Variants in KLHL3 observed in about 807,000 individuals in gnomAD.
The protein encoded by KLHL3 is kelch like family member 3.
In KLHL3, 19 loss-of-function variants were observed where a neutral mutation model predicts 70.5. The observed-to-expected ratio is 0.27, with a 90% confidence interval of 0.19 to 0.40. KLHL3 has a LOEUF of 0.40. Among genes scored for constraint, KLHL3 ranks in the 10% least tolerant of loss-of-function variants. The pLI, the probability that KLHL3 is intolerant of heterozygous loss-of-function variation, is 1.00. For synonymous variants in KLHL3, 258 were observed against 290.3 expected (o/e 0.89, Z 1.13); for missense variants, 512 against 771.1 (o/e 0.66, Z 3.98).
intron 12 of KLHL3, among the ~76,000 whole-genome samples, chr5:137,630,411 C>T (rs151016605): frequency 0.014 from 2,076 of 152,152 alleles, 25 homozygotes; most frequent in Non-Finnish European, 0.023. Flanking sequence ...TCTCCAAAGG[C>T]GGCTCCCTCC....
intron 6 of KLHL3, among the ~76,000 whole-genome samples, chr5:137,664,282 C>T (rs764825707): frequency 3.4e-4 from 51 of 150,900 alleles, no homozygotes; most frequent in Non-Finnish European, 6.3e-4. Flanking sequence ...CCTGGGAGGT[C>T]GAGCCTACAG....
intron 8 of KLHL3, among the ~76,000 whole-genome samples, chr5:137,656,490 T>C (rs4835709): frequency 0.96 from 145,648 of 152,358 alleles, 69,976 homozygotes; most frequent in East Asian, 1. Flanking sequence ...AGATTTTTTA[T>C]CCTAGGAGAC....
intron 2 of KLHL3, among the ~76,000 whole-genome samples, chr5:137,713,153 CAAAAAA>C (rs958291877): frequency 7.8e-5 from 3 of 38,440 alleles, no homozygotes; most frequent in African/African-American, 3.1e-4. Context: ...GAATAACCAG[CAAAAAA>C]AAAAAAAAAA....
At chr5:137,710,423 G>A (rs1223993508) in intron 2 of KLHL3, among the ~76,000 whole-genome samples, 1 of 152,158 alleles carries the variant, frequency 6.6e-6, no homozygotes, top group East Asian at 1.9e-4. Flanking sequence ...TAAAGACCCT[G>A]TGCAAACTCC....
At chr5:137,689,592 G>A (rs1452350608) in intron 5 of KLHL3, among the ~76,000 whole-genome samples, 1 of 152,172 alleles carries the variant, frequency 6.6e-6, no homozygotes, top group South Asian at 2.1e-4. Context: ...CAAATATCAC[G>A]TGTTTTCACT....
chr5:137,648,728 A>T (rs1561590165), intron 8 of KLHL3, among the ~76,000 whole-genome samples: 1 of 152,210 alleles, frequency 6.6e-6, no homozygotes, highest in East Asian at 1.9e-4. Context: ...TGTTCCTCTC[A>T]GGGAAAGGAC....
rs542499167 is a variant in KLHL3 at position 137,641,421 on chromosome 5, T to C, written c.904-1444A>G. Among the ~76,000 whole-genome samples, 5 of 152,336 alleles carry C rather than the reference T, an allele frequency of 3.3e-5. No homozygotes were observed. The East Asian group carries it at 9.6e-4, about 29-fold the overall frequency. ...GCCTTTCTAACAAGTTCCCAGGTGC[T>C]GCTGCTGCTGCCACTCTAGGGTTCA... On this transcript the variant is annotated intron_variant, in intron 8 of 14. Transcript: ENST00000309755.
chr5:137,693,114 T>C (rs965014399), intron 4 of KLHL3, among the ~76,000 whole-genome samples: 3 of 152,192 alleles, frequency 2.0e-5, no homozygotes, highest in African/African-American at 7.2e-5. Context: ...TGCCAGGCAC[T>C]AGTTTAGGCT....
At chr5:137,673,871 G>C (rs540890711) in intron 6 of KLHL3, 1 of 152,404 alleles carries the variant, frequency 6.6e-6, no homozygotes, top group South Asian at 2.1e-4. Context: ...GAGGGGCCCA[G>C]GCAGGGCTGG....
intron 1 of KLHL3, 194 bp from the exon 2 acceptor site, chr5:137,720,778 G>A (rs949173919): frequency 7.1e-7 from 1 of 1,412,864 alleles, no homozygotes; most frequent in African/African-American, 1.4e-5. Flanking sequence ...TCCTCTGAAG[G>A]AAGGCAGGTC....
intron 6 of KLHL3, among the ~76,000 whole-genome samples, chr5:137,668,725 G>A (rs1374220086): frequency 6.6e-6 from 1 of 152,222 alleles, no homozygotes; most frequent in African/African-American, 2.4e-5. Context: ...ACAACTGGGA[G>A]CAGTGGTGTG....
chr5:137,693,091 C>T (rs1454123963), intron 4 of KLHL3, among the ~76,000 whole-genome samples: 1 of 152,158 alleles, frequency 6.6e-6, no homozygotes, highest in Non-Finnish European at 1.5e-5. Context: ...TGATTAATTA[C>T]TGAACATCTA....
chr5:137,705,230 T>C (rs11747175), intron 3 of KLHL3, among the ~76,000 whole-genome samples: 36,097 of 152,198 alleles, frequency 0.24, 4,599 homozygotes, highest in African/African-American at 0.33. Flanking sequence ...GGCATCAATA[T>C]ACCACACAAA....
At chr5:137,682,144 C>G (rs946130769) in intron 5 of KLHL3, among the ~76,000 whole-genome samples, 5 of 151,780 alleles carry the variant, frequency 3.3e-5, no homozygotes, top group Non-Finnish European at 5.9e-5. Flanking sequence ...CGCAAAAGCC[C>G]TACTAAAGTG....
chr5:137,720,375 G>A (rs541613812), intron 2 of KLHL3, 90 bp downstream of exon 2: 19 of 1,448,974 alleles, frequency 1.3e-5, no homozygotes, highest in Middle Eastern at 3.5e-4. Context: ...AATTCCCTAG[G>A]TGGTCATGTT....
chr5:137,693,136 G>C (rs1752363909), intron 4 of KLHL3, among the ~76,000 whole-genome samples: 1 of 152,132 alleles, frequency 6.6e-6, no homozygotes, highest in Non-Finnish European at 1.5e-5. Flanking sequence ...TGGGATTCAG[G>C]GGTAAGCAAG....
chr5:137,666,947 T>C (rs1477878379), intron 6 of KLHL3, among the ~76,000 whole-genome samples: 1 of 152,072 alleles, frequency 6.6e-6, no homozygotes, highest in African/African-American at 2.4e-5. Flanking sequence ...GTCCCAGAAC[T>C]AAAAAGAAGC....
At chr5:137,675,669 T>A (rs1322868081) in intron 6 of KLHL3, among the ~76,000 whole-genome samples, 1 of 152,112 alleles carries the variant, frequency 6.6e-6, no homozygotes. Flanking sequence ...ATAATGCCTC[T>A]CCCTATTAAC....
chr5:137,659,876 G>A (rs148089345), intron 7 of KLHL3, among the ~76,000 whole-genome samples: 1 of 152,134 alleles, frequency 6.6e-6, no homozygotes, highest in Non-Finnish European at 1.5e-5. Context: ...TATACATTTA[G>A]TACAATATTT....
Sources: allele counts gnomAD v4.1 joint callset (sites outside exome capture counted in the v4.1 genomes callset), GRCh38; gene constraint gnomAD v4.1.1; transcripts MANE v1.5; gene names NCBI Gene and HGNC (gene_info 2026-07-23, HGNC 2026-07-21).